TP53I11: variants seen among roughly 807,000 people sequenced by gnomAD.
TP53I11 encodes tumor protein p53-inducible protein 11.
TP53I11 carries 9 observed loss-of-function variants against 23.3 expected under a neutral mutation model. The observed-to-expected ratio is 0.39, with a 90% CI of 0.23 to 0.67. TP53I11 has a LOEUF of 0.67. Among genes scored for constraint, TP53I11 ranks in the 30% least tolerant of loss-of-function variants. The pLI is 0.48. For synonymous variants in TP53I11, 100 were observed against 106.1 expected (o/e 0.94, Z 0.35); for missense variants, 170 against 255.2 (o/e 0.67, Z 2.27).
Position 44,935,720 on chromosome 11 carries a change from G to A in TP53I11, c.335-58C>T, listed in dbSNP as rs1489683489. On this transcript the variant is annotated intron_variant, in intron 5 of 6. Coordinates refer to ENST00000525680, the MANE Select transcript of TP53I11 (RefSeq NM_006034.5). ...GGGACAGCTGACTCCCTCCCAGCAG[G>A]GCAGGAGGACTGCTCCTGCTTCCTC... 1.0e-5 allele frequency: 13 copies of A among 1,295,592 alleles called. No individual in the cohort carries two copies. In the East Asian group the frequency reaches 2.4e-4, roughly 24 times the overall value. The allele number at this position is 1,295,592 out of a possible 1,614,324, so 80.3% of individuals were successfully genotyped here.
At chr11:44,951,012 A>C (rs1348978912), upstream of TP53I11, 2 of 151,804 alleles carry the variant, frequency 1.3e-5, no homozygotes, top group Non-Finnish European at 2.9e-5. Context: ...TTGGCGGGGA[A>C]ACCAGGCTCC....
chr11:44,943,763 T>C (rs1323672407), intron 1 of TP53I11, among the ~76,000 whole-genome samples: 1 of 152,184 alleles, frequency 6.6e-6, no homozygotes, highest in African/African-American at 2.4e-5. Flanking sequence ...TCACGGCAGT[T>C]TGACTCCCCA....
chr11:44,944,243 C>T (rs914100116), intron 1 of TP53I11, among the ~76,000 whole-genome samples: 6 of 152,152 alleles, frequency 3.9e-5, no homozygotes, highest in Admixed American at 3.9e-4. Context: ...GACATTGCCC[C>T]ACCTCCTCAG....
At chr11:44,944,246 C>CT (rs1862178249) in intron 1 of TP53I11, among the ~76,000 whole-genome samples, 1 of 152,186 alleles carries the variant, frequency 6.6e-6, no homozygotes, top group Admixed American at 6.5e-5. Context: ...ATTGCCCCAC[C>CT]TCCTCAGAAA....
chr11:44,946,559 C>T (rs970805892), intron 1 of TP53I11, among the ~76,000 whole-genome samples: 1 of 152,230 alleles, frequency 6.6e-6, no homozygotes, highest in African/African-American at 2.4e-5. Flanking sequence ...CAACCCCCGT[C>T]TCCATGACAC....
chr11:44,935,442 C>T, intron 6 of TP53I11, 119 bp downstream of exon 6: 2 of 898,304 alleles, frequency 2.2e-6, no homozygotes, highest in South Asian at 1.5e-5. Flanking sequence ...CCCTCTATCC[C>T]CTCCCTAGCC....
intron 1 of TP53I11, among the ~76,000 whole-genome samples, chr11:44,950,428 C>A (rs1021184964): frequency 6.6e-6 from 1 of 152,096 alleles, no homozygotes; most frequent in African/African-American, 2.4e-5. Context: ...GAGGGGAGAG[C>A]GCGCAGGGGA....
chr11:44,943,066 C>A (rs969083006), intron 1 of TP53I11: 8 of 152,286 alleles, frequency 5.3e-5, no homozygotes, highest in Admixed American at 1.3e-4. Flanking sequence ...TGCCCTCTTG[C>A]CAGCTGCATG....
intron 1 of TP53I11, among the ~76,000 whole-genome samples, chr11:44,941,535 A>C (rs1861756114): frequency 6.6e-6 from 1 of 152,144 alleles, no homozygotes; most frequent in African/African-American, 2.4e-5. Context: ...TACGTGCCTC[A>C]GTCTTCCCAG....
At chr11:44,945,178 G>A (rs1326140470) in intron 1 of TP53I11, among the ~76,000 whole-genome samples, 1 of 152,170 alleles carries the variant, frequency 6.6e-6, no homozygotes, top group African/African-American at 2.4e-5. Flanking sequence ...AAGAGCTTCT[G>A]TGATAGGGGC....
intron 1 of TP53I11, among the ~76,000 whole-genome samples, chr11:44,938,872 C>A (rs1256852200): frequency 1.3e-5 from 2 of 152,188 alleles, no homozygotes; most frequent in African/African-American, 4.8e-5. Context: ...TGCCACCCCC[C>A]TTCAAACCTG....
chr11:44,947,532 G>A (rs1280645029), intron 1 of TP53I11, among the ~76,000 whole-genome samples: 2 of 152,202 alleles, frequency 1.3e-5, no homozygotes, highest in African/African-American at 4.8e-5. Context: ...TTTTGAGCCC[G>A]TTTCTTCAAA....
At chr11:44,945,336 AC>A (rs1187201087) in intron 1 of TP53I11, among the ~76,000 whole-genome samples, 1 of 152,020 alleles carries the variant, frequency 6.6e-6, no homozygotes, top group Non-Finnish European at 1.5e-5. Context: ...CCATATTATC[AC>A]CCCCATCTTA....
chr11:44,950,391 G>A (rs1862830854), intron 1 of TP53I11, among the ~76,000 whole-genome samples: 1 of 152,204 alleles, frequency 6.6e-6, no homozygotes, highest in South Asian at 2.1e-4. Flanking sequence ...GGGGGAGAGG[G>A]GAAACCGAGT....
At chr11:44,935,688 T>TTTAAACGGGGGGGG in intron 5 of TP53I11, 26 bp from the exon 6 acceptor site, 1 of 424,494 alleles carries the variant, frequency 2.4e-6, no homozygotes, top group Non-Finnish European at 4.4e-6. Context: ...AAAAGGGGGC[T>TTTAAACGGGGGGGG]GGGGGTGGGA....
intron 6 of TP53I11, 59 bp from the exon 7 acceptor site, chr11:44,935,076 G>GC (rs1860934205): frequency 5.0e-6 from 8 of 1,601,486 alleles, no homozygotes; most frequent in Non-Finnish European, 6.8e-6. Context: ...TCCCAGCGCT[G>GC]CCCCCCTAGC....
In TP53I11 at chr11:44,950,778, T is replaced by G. The variant is rs915305660; in HGVS notation, c.-133A>C. On this transcript the variant is annotated 5_prime_UTR_variant, in exon 1 of 7. Transcript: ENST00000525680. ...GCGCCGCCCGTGCCGGGCCGGGCAG[T>G]GCAGGGCAGGGCAGGGCAGGGCAGG... 3.5e-4 allele frequency: 49 copies of G among 140,358 alleles called. No individual in the cohort carries two copies. Among genetic ancestry groups the G allele is most frequent in the Non-Finnish European group, 6.1e-4 (41 of 67,246 alleles). 8.7% of individuals were successfully genotyped at this position (140,358 alleles called of 1,614,324 possible).
At chr11:44,947,929 CTT>C (rs1862551077) in intron 1 of TP53I11, among the ~76,000 whole-genome samples, 1 of 152,246 alleles carries the variant, frequency 6.6e-6, no homozygotes, top group African/African-American at 2.4e-5. Context: ...GAAGACTCTA[CTT>C]CCTTGCCTCA....
intron 1 of TP53I11, among the ~76,000 whole-genome samples, chr11:44,939,853 C>T (rs953782738): frequency 2.0e-5 from 3 of 152,224 alleles, no homozygotes; most frequent in Non-Finnish European, 4.4e-5. Context: ...AGTGGATACG[C>T]CTTTCTCCTC....
Sources: gnomAD v4.1 joint callset for allele counts (sites outside exome capture counted in the v4.1 genomes callset) on GRCh38, gnomAD v4.1.1 for gene constraint, MANE v1.5 for transcripts, NCBI Gene and HGNC (gene_info 2026-07-23, HGNC 2026-07-21) for gene names.